The following ZCCHC4 variants were observed in gnomAD, a reference collection of about 807,000 sequenced individuals.
ZCCHC4 encodes zinc finger CCHC-type containing 4.
In ZCCHC4, 54 loss-of-function variants were observed where a neutral mutation model predicts 67.7. The ratio of observed to expected loss-of-function variants is 0.80; its 90% CI spans 0.64 to 1.00. The LOEUF (loss-of-function observed/expected upper bound fraction) is 1.00. Ranked by LOEUF, ZCCHC4 falls within the 50% of genes least tolerant of loss-of-function variation. The probability of loss-of-function intolerance (pLI) is 0.00; values close to 1 mark genes in which losing one functional copy is unlikely to be tolerated. For synonymous variants in ZCCHC4, 198 were observed against 213.5 expected, an observed-to-expected ratio of 0.93 and a Z score of 0.63; for missense variants, 609 against 617.0, an observed-to-expected ratio of 0.99 and a Z score of 0.14.
intron 8 of ZCCHC4, among the ~76,000 whole-genome samples, chr4:25,357,989 A>G (rs538675517): frequency 5.9e-5 from 9 of 152,368 alleles, no homozygotes; most frequent in African/African-American, 2.2e-4. Flanking sequence ...CTACTGATGT[A>G]AAGAAAGGTG....
At chr4:25,313,018 A>G in intron 1 of ZCCHC4, 82 bp downstream of exon 1, 1 of 1,534,078 alleles carries the variant, frequency 6.5e-7, no homozygotes, top group Non-Finnish European at 8.8e-7. Context: ...GGGCTCCTGT[A>G]TTTTTACCCG....
At chr4:25,329,304 T>C (rs1337243379) in intron 3 of ZCCHC4, among the ~76,000 whole-genome samples, 1 of 152,278 alleles carries the variant, frequency 6.6e-6, no homozygotes, top group South Asian at 2.1e-4. Flanking sequence ...TTGAAAATTA[T>C]CATTTATTAT....
At chr4:25,363,671 A>G (rs201564428) in intron 10 of ZCCHC4, among the ~76,000 whole-genome samples, 3 of 152,132 alleles carry the variant, frequency 2.0e-5, no homozygotes, top group Non-Finnish European at 4.4e-5. Context: ...AATACATCTG[A>G]TCGTTTATAT....
chr4:25,348,962 ATTT>A (rs1324786877), intron 6 of ZCCHC4, among the ~76,000 whole-genome samples: 1 of 152,144 alleles, frequency 6.6e-6, no homozygotes, highest in Non-Finnish European at 1.5e-5. Flanking sequence ...GTGAACTTTC[ATTT>A]TTTATTTACT....
chr4:25,345,556 A>T lies in ZCCHC4; in HGVS notation c.695A>T (p.Gln232Leu). The change falls in exon 6 of 13, where the codon CAG becomes CTG. Residue 232 changes from glutamine to leucine, a missense_variant. Gln to Leu is a moderately radical substitution (Grantham distance 113). Coordinates refer to ENST00000302874, the MANE Select transcript of ZCCHC4 (RefSeq NM_024936.3). Reference sequence around the variant, plus strand: ...CTGTAATTATTTTACAGGTATTCACAGTTTTATATGGAAGATAGCTTTTGC... The same window carrying T: ...CTGTAATTATTTTACAGGTATTCACTGTTTTATATGGAAGATAGCTTTTGC... ...LLLDIDFRYS[Q>L]FYMEDSFCHY... 6.6e-7 allele frequency: 1 copy of T among 1,520,728 alleles called. No individual in the cohort carries two copies. Among genetic ancestry groups the T allele is most frequent in the Non-Finnish European group, 9.1e-7 (1 of 1,099,616 alleles). The allele number at this position is 1,520,728 out of a possible 1,614,324, so 94.2% of individuals were successfully genotyped here.
At chr4:25,349,854 G>A (rs1720205832) in intron 7 of ZCCHC4, among the ~76,000 whole-genome samples, 1 of 151,950 alleles carries the variant, frequency 6.6e-6, no homozygotes, top group Non-Finnish European at 1.5e-5. Flanking sequence ...TGGCTTATAG[G>A]TAAAATACTA....
chr4:25,335,846 A>G (rs1462058644), intron 5 of ZCCHC4, among the ~76,000 whole-genome samples: 1 of 152,238 alleles, frequency 6.6e-6, no homozygotes, highest in African/African-American at 2.4e-5. Flanking sequence ...ATACACAAGC[A>G]CATTACTCAG....
At chr4:25,347,507 C>G (rs1388542513) in intron 6 of ZCCHC4, among the ~76,000 whole-genome samples, 2 of 152,222 alleles carry the variant, frequency 1.3e-5, no homozygotes, top group Non-Finnish European at 2.9e-5. Context: ...CTAAATAGCA[C>G]TGCAGCTGTA....
chr4:25,327,391 TC>T (rs1718939978), intron 3 of ZCCHC4, among the ~76,000 whole-genome samples: 1 of 103,892 alleles, frequency 9.6e-6, no homozygotes, highest in Admixed American at 1.1e-4. Flanking sequence ...CCTCCCTCCC[TC>T]CCTCCCTCCT....
Position 25,333,337 on chromosome 4 carries a change from T to TA in ZCCHC4, c.485dup (p.Tyr162Ter). ...TQLRRPSQLL[Y>*]PLENKKTNAQ... ...GTTAAGAAGGCCCAGTCAACTCCTT[T>TA]ATCCACTGGAAAACAAGAAGACAAA... The change falls in exon 4 of 13, where the codon TAT (tyrosine) becomes TAAT (stop). Residue 162 changes from tyrosine (Y) to a stop codon, truncating the protein, a stop_gained and frameshift_variant. Transcript: ENST00000302874. LOFTEE classifies it high-confidence loss of function. The TA allele has an allele frequency of 6.2e-7, 1 of 1,614,130 alleles. No individual in the cohort carries two copies. Among genetic ancestry groups the TA allele is most frequent in the Non-Finnish European group, 8.5e-7 (1 of 1,180,014 alleles).
At chr4:25,322,766 C>T (rs148335286) in intron 3 of ZCCHC4, among the ~76,000 whole-genome samples, 2 of 152,284 alleles carry the variant, frequency 1.3e-5, no homozygotes, top group Non-Finnish European at 2.9e-5. Context: ...GATCCACCCA[C>T]CTTGGCCTCC....
chr4:25,325,931 A>G (rs558005320), intron 3 of ZCCHC4, among the ~76,000 whole-genome samples: 1 of 152,278 alleles, frequency 6.6e-6, no homozygotes, highest in African/African-American at 2.4e-5. Flanking sequence ...GAGAAAAAAA[A>G]ATACTTTTCC....
rs199941990 is a variant in ZCCHC4, at chr4:25,365,995, A to C, written c.1406+829A>C. 6.8e-5 allele frequency: 57 copies of C among 836,386 alleles called. No individual in the cohort carries two copies. In the East Asian group the frequency reaches 3.3e-3, roughly 49 times the overall value. 51.8% of individuals were successfully genotyped at this position (836,386 alleles called of 1,614,324 possible). The stretch of plus-strand genomic sequence containing the variant: ...GACAGCTAAATTTGACATTATATGA[A>C]ATTATATGACATTATATGAAAATTC... On this transcript the variant is annotated intron_variant, in intron 12 of 12. Coordinates refer to ENST00000302874, the MANE Select transcript of ZCCHC4 (RefSeq NM_024936.3).
At chr4:25,349,779 A>G (rs1720201544) in intron 7 of ZCCHC4, 137 bp downstream of exon 7, 1 of 867,948 alleles carries the variant, frequency 1.2e-6, no homozygotes, top group Non-Finnish European at 1.7e-6. Flanking sequence ...GGCTTATTTG[A>G]TGTTGCAGCA....
intron 2 of ZCCHC4, among the ~76,000 whole-genome samples, chr4:25,314,717 C>T (rs1459314353): frequency 6.6e-6 from 1 of 152,166 alleles, no homozygotes; most frequent in Non-Finnish European, 1.5e-5. Flanking sequence ...ATTTAAATAC[C>T]ATCACATTGG....
At chr4:25,358,635 G>C (rs62409203) in intron 8 of ZCCHC4, among the ~76,000 whole-genome samples, 3,102 of 152,320 alleles carry the variant, frequency 0.02, 44 homozygotes, top group Non-Finnish European at 0.03. Flanking sequence ...CTATCTAAGA[G>C]AGATGGCTGT....
chr4:25,329,974 C>A (rs1719096266), intron 3 of ZCCHC4, among the ~76,000 whole-genome samples: 1 of 151,762 alleles, frequency 6.6e-6, no homozygotes, highest in Non-Finnish European at 1.5e-5. Context: ...TTTGTTTAGA[C>A]CTTTTGATTT....
intron 5 of ZCCHC4, among the ~76,000 whole-genome samples, chr4:25,336,893 G>A (rs1268813832): frequency 6.6e-6 from 1 of 152,188 alleles, no homozygotes; most frequent in Non-Finnish European, 1.5e-5. Context: ...TTTTCCAGAT[G>A]AGAAAACTGA....
At chr4:25,330,367 G>A (rs1005574529) in intron 3 of ZCCHC4, among the ~76,000 whole-genome samples, 4 of 152,020 alleles carry the variant, frequency 2.6e-5, no homozygotes, top group Admixed American at 2.6e-4. Flanking sequence ...TTGGATACTA[G>A]TAGTATGGGA....
Sources: gnomAD v4.1 joint callset for allele counts (sites outside exome capture counted in the v4.1 genomes callset) on GRCh38, gnomAD v4.1.1 for gene constraint, MANE v1.5 for transcripts, NCBI Gene and HGNC (gene_info 2026-07-23, HGNC 2026-07-21) for gene names.